Variants in WASF2 observed in about 807,000 individuals in gnomAD.
The protein encoded by WASF2 is actin-binding protein WASF2.
WASF2 carries 14 observed loss-of-function variants against 45.0 expected under a neutral mutation model. The ratio of observed to expected loss-of-function variants is 0.31; its 90% CI spans 0.21 to 0.49. The LOEUF (loss-of-function observed/expected upper bound fraction) is 0.49, where lower values mean the gene tolerates loss of function less well. Ranked by LOEUF, WASF2 falls within the 20% of genes least tolerant of loss-of-function variation. The pLI is 0.99. For synonymous variants in WASF2, 200 were observed against 236.3 expected, an observed-to-expected ratio of 0.85 and a Z score of 1.41; for missense variants, 439 against 636.1, an observed-to-expected ratio of 0.69 and a Z score of 3.33.
intron 2 of WASF2, among the ~76,000 whole-genome samples, chr1:27,420,965 G>GA (rs2016901084): frequency 6.6e-6 from 1 of 152,114 alleles, no homozygotes; most frequent in Non-Finnish European, 1.5e-5. Flanking sequence ...ATATTTGAGG[G>GA]GGAAAAAATA....
chr1:27,478,840 T>A (rs1233619599), intron 1 of WASF2, among the ~76,000 whole-genome samples: 2 of 152,084 alleles, frequency 1.3e-5, no homozygotes, highest in East Asian at 3.9e-4. Context: ...CGCCTCGACC[T>A]CACAAAGTGC....
chr1:27,467,577 A>C (rs2017632195), intron 1 of WASF2, among the ~76,000 whole-genome samples: 1 of 150,566 alleles, frequency 6.6e-6, no homozygotes, highest in Non-Finnish European at 1.5e-5. Context: ...CTGGGATTAC[A>C]GGCGTGAGCC....
At chr1:27,458,120 G>GGTTA (rs1040291827) in intron 1 of WASF2, among the ~76,000 whole-genome samples, 1 of 151,584 alleles carries the variant, frequency 6.6e-6, no homozygotes, top group African/African-American at 2.4e-5. Context: ...GACCAGCTTG[G>GGTTA]GTAACACAGC....
chr1:27,487,611 ATT>A (rs1178052368), intron 1 of WASF2, among the ~76,000 whole-genome samples: 3 of 100,332 alleles, frequency 3.0e-5, no homozygotes, highest in African/African-American at 8.3e-5. Flanking sequence ...TATAATATAT[ATT>A]ATATATATTT....
chr1:27,440,283 G>A (rs1394755253), intron 1 of WASF2, among the ~76,000 whole-genome samples: 1 of 152,212 alleles, frequency 6.6e-6, no homozygotes, highest in Non-Finnish European at 1.5e-5. Context: ...CAGCACCTTG[G>A]GAGGCCAAGG....
chr1:27,408,697 C>G (rs1176635950), intron 8 of WASF2, among the ~76,000 whole-genome samples: 1 of 152,054 alleles, frequency 6.6e-6, no homozygotes, highest in Non-Finnish European at 1.5e-5. Context: ...CATAGACTGT[C>G]CTCTCTAGAT....
In WASF2 at chr1:27,407,259, T is replaced by A. The variant is rs148308881; in HGVS notation, c.*930A>T. 213 of 152,792 alleles carry A rather than the reference T, an allele frequency of 1.4e-3. 2 individuals carry two copies. Among genetic ancestry groups the A allele is most frequent in the African/African-American group, 5.0e-3 (209 of 41,560 alleles). 9.5% of individuals were successfully genotyped at this position (152,792 alleles called of 1,614,324 possible). On this transcript the variant is annotated 3_prime_UTR_variant, in exon 9 of 9. Coordinates refer to ENST00000618852, the MANE Select transcript of WASF2 (RefSeq NM_006990.5). ...ACTCTGCGCTCTAGCTATGTCACTATCCAATTGTGTGACCTTGAGCAAGTC... is the reference window on the plus strand; with the variant it reads ...ACTCTGCGCTCTAGCTATGTCACTAACCAATTGTGTGACCTTGAGCAAGTC...
At chr1:27,471,072 C>T (rs369617543) in intron 1 of WASF2, among the ~76,000 whole-genome samples, 1 of 152,022 alleles carries the variant, frequency 6.6e-6, no homozygotes, top group Non-Finnish European at 1.5e-5. Context: ...GGGCCGGGCG[C>T]GGTGGCTCAC....
chr1:27,480,546 T>C (rs2017832642), intron 1 of WASF2, among the ~76,000 whole-genome samples: 1 of 150,816 alleles, frequency 6.6e-6, no homozygotes, highest in Non-Finnish European at 1.5e-5. Flanking sequence ...TAAAATAAAA[T>C]ATAATAAAAT....
At chr1:27,426,105 C>A (rs928918834) in intron 2 of WASF2, among the ~76,000 whole-genome samples, 8 of 152,068 alleles carry the variant, frequency 5.3e-5, no homozygotes, top group Non-Finnish European at 7.4e-5. Flanking sequence ...CTTGCAGGGT[C>A]CTGAATGCTA....
chr1:27,473,337 G>C (rs540472504), intron 1 of WASF2, among the ~76,000 whole-genome samples: 29 of 151,144 alleles, frequency 1.9e-4, no homozygotes, highest in African/African-American at 7.0e-4. Flanking sequence ...AAAATTAGCC[G>C]GGCGTGGTGG....
In WASF2 at chr1:27,489,345, T is replaced by C. The variant is rs570192846; in HGVS notation, c.-44+641A>G. On this transcript the variant is annotated intron_variant, in intron 1 of 8. Coordinates refer to ENST00000618852, the MANE Select transcript of WASF2 (RefSeq NM_006990.5). ...CTCAACGAGCACCTCAATTACTTCA[T>C]GGTACACACACACACACACACACAC... Among the ~76,000 whole-genome samples the C allele has an allele frequency of 1.6e-4, 10 of 61,938 alleles. No individual in the cohort carries two copies. In the East Asian group the frequency reaches 3.1e-3, roughly 19 times the overall value. 40.6% of individuals were successfully genotyped at this position (61,938 alleles called of 152,430 possible).
chr1:27,427,543 A>C (rs2017002842), intron 2 of WASF2, among the ~76,000 whole-genome samples: 1 of 152,144 alleles, frequency 6.6e-6, no homozygotes, highest in Non-Finnish European at 1.5e-5. Flanking sequence ...CCTTTGTGTA[A>C]GACAGGCACT....
At chr1:27,429,377 C>T (rs1381033713) in intron 1 of WASF2, among the ~76,000 whole-genome samples, 1 of 152,242 alleles carries the variant, frequency 6.6e-6, no homozygotes, top group Non-Finnish European at 1.5e-5. Flanking sequence ...AAAAAGAACA[C>T]TGTCACCTGA....
Position 27,408,194 on chromosome 1 carries a change from C to T in WASF2, c.1492G>A (p.Asp498Asn), listed in dbSNP as rs1246612626. The part of the protein sequence containing the change: ...SSEFDEDDWS[D>N] ...TGGGCAGCAGGCAGAAAGAGTTAATCGGACCAGTCGTCCTCATCAAATTCA... is the reference window on the plus strand; with the variant it reads ...TGGGCAGCAGGCAGAAAGAGTTAATTGGACCAGTCGTCCTCATCAAATTCA... Residue 498 changes from aspartate to asparagine, a missense_variant, in exon 9 of 9, where the codon GAT (aspartate) becomes AAT (asparagine). Around this residue, in one of 5 missense-constraint regions of WASF2, gnomAD observed 286 missense variants for 373.5 expected, o/e 0.77. Coordinates refer to ENST00000618852, the MANE Select transcript of WASF2 (RefSeq NM_006990.5). 4.3e-6 allele frequency: 7 copies of T among 1,611,918 alleles called. No homozygotes were observed. The highest frequency in any genetic ancestry group is 2.7e-5 in the African/African-American group (2 of 74,984).
intron 2 of WASF2, among the ~76,000 whole-genome samples, chr1:27,422,872 C>T (rs1308264582): frequency 3.3e-5 from 5 of 152,264 alleles, no homozygotes; most frequent in South Asian, 4.1e-4. Flanking sequence ...GACACGGTGG[C>T]TCATGCCTAT....
At chr1:27,437,898 CA>C (rs1450774555) in intron 1 of WASF2, among the ~76,000 whole-genome samples, 1 of 151,948 alleles carries the variant, frequency 6.6e-6, no homozygotes, top group Non-Finnish European at 1.5e-5. Context: ...ACACACAAAA[CA>C]AAAAAAGTAT....
chr1:27,443,033 G>A (rs957149344), intron 1 of WASF2, among the ~76,000 whole-genome samples: 8 of 144,828 alleles, frequency 5.5e-5, no homozygotes, highest in Admixed American at 3.4e-4. Context: ...GCACGGTGCC[G>A]AAAACCTGTA....
At chr1:27,432,457 G>A (rs1267920370) in intron 1 of WASF2, among the ~76,000 whole-genome samples, 1 of 151,792 alleles carries the variant, frequency 6.6e-6, no homozygotes, top group African/African-American at 2.4e-5. Context: ...GACCATCCTG[G>A]CTAACATGGT....
Sources: gnomAD v4.1 joint callset for allele counts (sites outside exome capture counted in the v4.1 genomes callset) on GRCh38, gnomAD v4.1.1 for gene constraint, gnomAD v4.1.1 regional missense constraint, MANE v1.5 for transcripts, NCBI Gene and HGNC (gene_info 2026-07-23, HGNC 2026-07-21) for gene names.